Variants in TBC1D1 observed in about 807,000 individuals in gnomAD.
TBC1D1 encodes TBC1 (tre-2/USP6, BUB2, cdc16) domain family, member 1.
In TBC1D1, 89 loss-of-function variants were observed where a neutral mutation model predicts 125.6. That is an observed-to-expected ratio of 0.71 (90% CI 0.60 to 0.85). The LOEUF (loss-of-function observed/expected upper bound fraction) is 0.85, where lower values mean the gene tolerates loss of function less well. Among genes scored for constraint, TBC1D1 ranks in the 40% least tolerant of loss-of-function variants. The pLI is 0.00. For missense variants in TBC1D1, 1,377 were observed against 1,469.2 expected, an observed-to-expected ratio of 0.94 and a Z score of 1.03; for synonymous variants, 565 against 564.1, an observed-to-expected ratio of 1.00 and a Z score of -0.02.
intron 2 of TBC1D1, among the ~76,000 whole-genome samples, chr4:37,984,103 CA>C (rs1177654897): frequency 6.6e-6 from 1 of 151,730 alleles, no homozygotes; most frequent in African/African-American, 2.4e-5. Context: ...ATGGCTTGAT[CA>C]TTTTTTTGTG....
At chr4:37,923,602 C>T (rs1721469870) in intron 2 of TBC1D1, among the ~76,000 whole-genome samples, 1 of 151,998 alleles carries the variant, frequency 6.6e-6, no homozygotes, top group Non-Finnish European at 1.5e-5. Flanking sequence ...TGTTTAATTC[C>T]ATCGAGGTGA....
Position 37,995,850 on chromosome 4 carries a change from A to G in TBC1D1, c.418-18659A>G. On this transcript the variant is annotated intron_variant, in intron 2 of 19. Coordinates refer to ENST00000261439, the MANE Select transcript of TBC1D1 (RefSeq NM_015173.4). The surrounding 1 kb of genome is among the most constrained non-coding windows in gnomAD (Gnocchi z 4.3). The stretch of plus-strand genomic sequence containing the variant: ...GATCAGGTGCTGGATCCATGTGATC[A>G]CCAGAATGCATTTCTCTTTGAGAAT... 1 of 575,572 alleles carries G rather than the reference A, an allele frequency of 1.7e-6. No individual in the cohort carries two copies. 35.7% of individuals were successfully genotyped at this position (575,572 alleles called of 1,614,324 possible).
chr4:38,006,824 G>T (rs548316606), intron 2 of TBC1D1: 3 of 514,078 alleles, frequency 5.8e-6, no homozygotes, highest in East Asian at 5.6e-5. Context: ...TCCTTTCTTT[G>T]GTTTCCCCTT....
chr4:37,993,874 G>A (rs1028933789), intron 2 of TBC1D1, among the ~76,000 whole-genome samples: 1 of 152,240 alleles, frequency 6.6e-6, no homozygotes, highest in Non-Finnish European at 1.5e-5. Context: ...GAGCCACCGC[G>A]CCCGGCCACA....
chr4:38,062,246 C>G (rs62299981), intron 12 of TBC1D1, among the ~76,000 whole-genome samples: 16 of 151,846 alleles, frequency 1.1e-4, no homozygotes, highest in African/African-American at 3.6e-4. Context: ...TTGTTTCTTT[C>G]CAATCCCGGA....
rs1010041355 is a variant in TBC1D1 at position 38,014,057 on chromosome 4, A to G, written c.418-452A>G. 6.6e-5 allele frequency among the ~76,000 whole-genome samples: 10 copies of G among 152,206 alleles called. No individual in the cohort carries two copies. The highest frequency in any genetic ancestry group is 2.2e-4 in the African/African-American group (9 of 41,450). ...ACTTTCCAAAGTATACTGCCATGAG[A>G]TCTAGAATAATTGAGTCATGTTTTG... On this transcript the variant is annotated intron_variant, in intron 2 of 19. Transcript: ENST00000261439. This position sits in a 1 kb window ranked among gnomAD's most constrained non-coding sequence, Gnocchi z 5.1.
At chr4:37,932,601 TG>T (rs1461317532) in intron 2 of TBC1D1, among the ~76,000 whole-genome samples, 1 of 152,212 alleles carries the variant, frequency 6.6e-6, no homozygotes, top group Non-Finnish European at 1.5e-5. Context: ...GGAATGGCCC[TG>T]GTAAGGCATC....
rs769346943 is a variant in TBC1D1 at position 38,049,720 on chromosome 4, C to A, written c.1732C>A (p.Pro578Thr). The stretch of plus-strand genomic sequence containing the variant: ...GTCCAGTGACTCGGAGAGTCATCTC[C>A]CAGAAGAGCCAGCTCCGCTGTCGCC... The change falls in exon 11 of 20, where the codon CCA (proline) becomes ACA (threonine). Residue 578 changes from proline (P) to threonine (T), a missense_variant. Pro to Thr is a conservative substitution (Grantham distance 38). Transcript: ENST00000261439. 1 of 1,614,160 alleles carries A rather than the reference C, an allele frequency of 6.2e-7. No individual in the cohort carries two copies. The highest frequency in any genetic ancestry group is 1.1e-5 in the South Asian group (1 of 91,088).
intron 15 of TBC1D1, among the ~76,000 whole-genome samples, chr4:38,107,188 C>T (rs1046129840): frequency 1.3e-5 from 2 of 152,200 alleles, no homozygotes; most frequent in Admixed American, 6.5e-5. Context: ...CCCACTGGAA[C>T]GGGGAAACTG....
chr4:38,076,421 G>A (rs1247879346), intron 12 of TBC1D1, among the ~76,000 whole-genome samples: 1 of 152,108 alleles, frequency 6.6e-6, no homozygotes, highest in Non-Finnish European at 1.5e-5. Flanking sequence ...TCCCAAGTGC[G>A]CATGTCTGGC....
At chr4:38,011,715 G>C (rs539539113) in intron 2 of TBC1D1, among the ~76,000 whole-genome samples, 14 of 152,170 alleles carry the variant, frequency 9.2e-5, no homozygotes, top group Admixed American at 2.0e-4. Context: ...AAACTTAGCA[G>C]AGCAAGGAGA....
chr4:37,932,878 G>A (rs778761540), intron 2 of TBC1D1, among the ~76,000 whole-genome samples: 1 of 152,148 alleles, frequency 6.6e-6, no homozygotes, highest in African/African-American at 2.4e-5. Flanking sequence ...CCAACATGGT[G>A]AAACCCCATC....
At chr4:37,936,564 A>G (rs1278127843) in intron 2 of TBC1D1, among the ~76,000 whole-genome samples, 1 of 152,200 alleles carries the variant, frequency 6.6e-6, no homozygotes, top group African/African-American at 2.4e-5. Flanking sequence ...GGAGTTGAAA[A>G]TTTGAGTTGA....
rs552493969 is a variant in TBC1D1, at chr4:37,920,594, A to G, written c.417+18082A>G. 4.6e-5 allele frequency among the ~76,000 whole-genome samples: 7 copies of G among 152,250 alleles called. No homozygotes were observed. In the South Asian group the frequency reaches 1.0e-3, roughly 23 times the overall value. ...ATTGGAGCCGTTTGAGGGATGTTCA[A>G]TGGGCTGAAGTTCAGCGGAGTGGGC... is the stretch of plus-strand genomic sequence containing the variant. On this transcript the variant is annotated intron_variant, in intron 2 of 19. Transcript: ENST00000261439.
chr4:37,907,205 A>G (rs1409455624), intron 2 of TBC1D1, among the ~76,000 whole-genome samples: 1 of 152,234 alleles, frequency 6.6e-6, no homozygotes, highest in African/African-American at 2.4e-5. Context: ...TCACACTGCT[A>G]CATAGTAGGA....
chr4:38,025,657 G>C (rs1361192872), intron 6 of TBC1D1, among the ~76,000 whole-genome samples: 1 of 152,178 alleles, frequency 6.6e-6, no homozygotes, highest in East Asian at 1.9e-4. Flanking sequence ...AAACAATATC[G>C]TTTTTCCAAA....
chr4:37,978,078 T>C, intron 2 of TBC1D1, among the ~76,000 whole-genome samples: 1 of 152,234 alleles, frequency 6.6e-6, no homozygotes, highest in Non-Finnish European at 1.5e-5. Flanking sequence ...ATAGAAGTTT[T>C]TAACTTTCCA....
At chr4:38,079,596 G>A (rs1235278314) in intron 12 of TBC1D1, among the ~76,000 whole-genome samples, 5 of 152,042 alleles carry the variant, frequency 3.3e-5, no homozygotes, top group African/African-American at 1.2e-4. Flanking sequence ...GTGTGGTGGT[G>A]TGCACCCATA....
chr4:38,087,863 G>GAA (rs367742093), intron 12 of TBC1D1, among the ~76,000 whole-genome samples: 8 of 83,934 alleles, frequency 9.5e-5, no homozygotes, highest in African/African-American at 3.2e-4. Flanking sequence ...AAAAAAAAAA[G>GAA]AAAAAAAAAA....
Sources: gnomAD v4.1 joint callset for allele counts (sites outside exome capture counted in the v4.1 genomes callset) on GRCh38, gnomAD v4.1.1 for gene constraint, Gnocchi (gnomAD v3.1) non-coding constraint, MANE v1.5 for transcripts, NCBI Gene and HGNC (gene_info 2026-07-23, HGNC 2026-07-21) for gene names.